Variants in ITGA9 observed in about 807,000 individuals in gnomAD.
ITGA9 encodes the protein integrin alpha-9.
A neutral mutation model predicts 127.8 loss-of-function variants in ITGA9; 56 were observed. The observed-to-expected ratio is 0.44, with a 90% CI of 0.35 to 0.55. The LOEUF is 0.55. Ranked by LOEUF, ITGA9 falls within the 20% of genes least tolerant of loss-of-function variation. The pLI is 0.00. For missense variants in ITGA9, 1,196 were observed against 1,347.1 expected, an observed-to-expected ratio of 0.89 and a Z score of 1.76; for synonymous variants, 508 against 514.5, an observed-to-expected ratio of 0.99 and a Z score of 0.17.
intron 17 of ITGA9, among the ~76,000 whole-genome samples, chr3:37,681,626 A>G (rs931786472): frequency 2.6e-4 from 39 of 152,106 alleles, no homozygotes; most frequent in Non-Finnish European, 7.4e-5. Context: ...AAACCCTTAT[A>G]TCCTTAATTA....
intron 25 of ITGA9, among the ~76,000 whole-genome samples, chr3:37,784,572 T>G (rs2125553693): frequency 6.6e-6 from 1 of 152,340 alleles, no homozygotes; most frequent in South Asian, 2.1e-4. Flanking sequence ...GGCAGGAAGA[T>G]GCCTATAAAA....
At chr3:37,503,351 G>A (rs369104931) in intron 6 of ITGA9, 44 bp downstream of exon 6, 23 of 1,604,472 alleles carry the variant, frequency 1.4e-5, no homozygotes, top group Non-Finnish European at 1.7e-5. Flanking sequence ...GGAAATGGGA[G>A]TGATTCCCAC....
chr3:37,710,474 T>C (rs1231966789), intron 18 of ITGA9, among the ~76,000 whole-genome samples: 1 of 151,960 alleles, frequency 6.6e-6, no homozygotes, highest in Non-Finnish European at 1.5e-5. Context: ...GTGGTTTGTG[T>C]GGGAGGATGT....
At chr3:37,674,099 A>G (rs1022385869) in intron 17 of ITGA9, among the ~76,000 whole-genome samples, 1 of 152,162 alleles carries the variant, frequency 6.6e-6, no homozygotes, top group South Asian at 2.1e-4. Flanking sequence ...TTCTTAGGAG[A>G]CATAGAAATG....
intron 11 of ITGA9, among the ~76,000 whole-genome samples, chr3:37,521,731 C>G (rs140499701): frequency 1.1e-3 from 162 of 152,344 alleles, no homozygotes; most frequent in Non-Finnish European, 1.9e-3. Flanking sequence ...GATCCAGGGG[C>G]AGGCTGCTGC....
chr3:37,625,203 G>C (rs931715293), intron 15 of ITGA9, among the ~76,000 whole-genome samples: 1 of 152,130 alleles, frequency 6.6e-6, no homozygotes, highest in Non-Finnish European at 1.5e-5. Context: ...AAGCCTGCCA[G>C]CCCTCAGTCT....
At position 37,683,994 on chromosome 3, in the gene ITGA9, C is replaced by T; in HGVS notation, c.2046C>T (p.Phe682=). 1 of 1,613,842 alleles carries T rather than the reference C, an allele frequency of 6.2e-7. No homozygotes were observed. Among genetic ancestry groups the T allele is most frequent in the Non-Finnish European group, 8.5e-7 (1 of 1,179,958 alleles). The change falls in exon 18 of 28, where the codon TTC becomes TTT. Residue 682 remains phenylalanine (F), a synonymous_variant. Coordinates refer to ENST00000264741, the MANE Select transcript of ITGA9 (RefSeq NM_002207.3). ...CCTTCAATGTTTCCCGGGAGCTCTT[C>T]TTCATCAACATGTGGCAGAAGGTAA... ...NVSFNVSREL[F]FINMWQKEEM...
chr3:37,596,127 T>C (rs1445933234), intron 15 of ITGA9, among the ~76,000 whole-genome samples: 1 of 152,172 alleles, frequency 6.6e-6, no homozygotes, highest in Non-Finnish European at 1.5e-5. Flanking sequence ...ATACCTGCCA[T>C]AAAGAAACAT....
chr3:37,717,963 A>G (rs557175182), intron 18 of ITGA9, among the ~76,000 whole-genome samples: 1 of 152,234 alleles, frequency 6.6e-6, no homozygotes, highest in African/African-American at 2.4e-5. Flanking sequence ...CTTCTCTGGT[A>G]AAGGGAGGCC....
chr3:37,791,999 T>C (rs571858693), intron 26 of ITGA9, among the ~76,000 whole-genome samples: 1 of 152,314 alleles, frequency 6.6e-6, no homozygotes, highest in South Asian at 2.1e-4. Context: ...TTTCCCCCCT[T>C]GAACCTCACA....
At chr3:37,581,721 T>A (rs893887436) in intron 15 of ITGA9, among the ~76,000 whole-genome samples, 1 of 152,182 alleles carries the variant, frequency 6.6e-6, no homozygotes, top group African/African-American at 2.4e-5. Flanking sequence ...TTCGGTGCCC[T>A]CCCTGCAGCC....
At chr3:37,758,691 C>G (rs960857651) in intron 23 of ITGA9, among the ~76,000 whole-genome samples, 2 of 151,922 alleles carry the variant, frequency 1.3e-5, no homozygotes, top group Non-Finnish European at 2.9e-5. Context: ...CTGCTAGTGT[C>G]TCTTCAGTTT....
Position 37,505,765 on chromosome 3 carries a change from C to T in ITGA9, c.743-235C>T, listed in dbSNP as rs143531145. Among the ~76,000 whole-genome samples the T allele has an allele frequency of 3.4e-3, 517 of 152,244 alleles. 5 individuals carry two copies. The highest frequency in any genetic ancestry group is 0.012 in the African/African-American group (493 of 41,540). On this transcript the variant is annotated intron_variant, in intron 6 of 27. Transcript: ENST00000264741. ...TATAGTATTTCATACAGTACTTGTC[C>T]GAAAGAAGACACTCAGAAAGCCCTC...
At chr3:37,636,401 CA>C (rs1293638232) in intron 16 of ITGA9, among the ~76,000 whole-genome samples, 1 of 152,218 alleles carries the variant, frequency 6.6e-6, no homozygotes, top group Admixed American at 6.5e-5. Context: ...AGCATTTCTT[CA>C]TGTGTTTTTT....
chr3:37,634,347 A>G (rs114522900), intron 16 of ITGA9, among the ~76,000 whole-genome samples: 2,625 of 152,014 alleles, frequency 0.017, 34 homozygotes, highest in Middle Eastern at 0.058. Flanking sequence ...AGACCTAACT[A>G]TATGCTGCTT....
chr3:37,599,271 G>C (rs892569308), intron 15 of ITGA9, among the ~76,000 whole-genome samples: 1 of 152,200 alleles, frequency 6.6e-6, no homozygotes, highest in African/African-American at 2.4e-5. Context: ...TGGGTGGGGC[G>C]TGGCTGATTT....
intron 13 of ITGA9, among the ~76,000 whole-genome samples, chr3:37,529,471 G>A (rs893913255): frequency 5.3e-5 from 8 of 152,300 alleles, no homozygotes; most frequent in African/African-American, 1.7e-4. Context: ...CAGTGGGTGG[G>A]TGAGAGAAGA....
At chr3:37,530,257 G>C (rs1215523814) in intron 13 of ITGA9, among the ~76,000 whole-genome samples, 1 of 152,212 alleles carries the variant, frequency 6.6e-6, no homozygotes, top group African/African-American at 2.4e-5. Flanking sequence ...TGTTAAGTAG[G>C]GGCTTGGCTC....
chr3:37,474,728 G>C (rs1289147435), intron 3 of ITGA9, among the ~76,000 whole-genome samples: 1 of 152,222 alleles, frequency 6.6e-6, no homozygotes, highest in Non-Finnish European at 1.5e-5. Context: ...AGCTCAAGAG[G>C]GGAAAGTAAT....
Sources: gnomAD v4.1 joint callset for allele counts (sites outside exome capture counted in the v4.1 genomes callset) on GRCh38, gnomAD v4.1.1 for gene constraint, MANE v1.5 for transcripts, NCBI Gene and HGNC (gene_info 2026-07-23, HGNC 2026-07-21) for gene names.